Variants in CYSTM1 observed in about 807,000 individuals in gnomAD.
The protein encoded by CYSTM1 is cysteine rich transmembrane module containing 1.
CYSTM1 carries 4 observed loss-of-function variants against 13.1 expected under a neutral mutation model. The observed-to-expected ratio is 0.31, with a 90% confidence interval of 0.15 to 0.70. CYSTM1 has a LOEUF of 0.70. Among genes scored for constraint, CYSTM1 ranks in the 30% least tolerant of loss-of-function variants. The pLI is 0.72. For missense variants in CYSTM1, 96 were observed against 121.6 expected (o/e 0.79, Z 0.99); for synonymous variants, 36 against 42.7 (o/e 0.84, Z 0.62).
At chr5:140,212,983 G>GTATATATATATATATATATATATATATA (rs150669111) in intron 2 of CYSTM1, among the ~76,000 whole-genome samples, 15 of 114,288 alleles carry the variant, frequency 1.3e-4, no homozygotes, top group African/African-American at 4.3e-4. Flanking sequence ...CAAAACAAAA[G>GTATATATATATATATATATATATATATA]TATATATATA....
At chr5:140,195,066 T>C (rs1041209216) in intron 2 of CYSTM1, among the ~76,000 whole-genome samples, 7 of 152,222 alleles carry the variant, frequency 4.6e-5, no homozygotes, top group African/African-American at 1.4e-4. Context: ...GGTTTTTCTT[T>C]TTTTTCTTAC....
intron 2 of CYSTM1, among the ~76,000 whole-genome samples, chr5:140,236,433 T>C (rs1310581005): frequency 6.6e-6 from 1 of 152,188 alleles, no homozygotes; most frequent in Non-Finnish European, 1.5e-5. Context: ...GGCAGGCACC[T>C]CGGTTCTTTA....
intron 2 of CYSTM1, among the ~76,000 whole-genome samples, chr5:140,225,529 G>T (rs995116750): frequency 3.9e-5 from 6 of 152,228 alleles, no homozygotes; most frequent in Non-Finnish European, 8.8e-5. Context: ...CCCAGGCTCA[G>T]TATACAAACT....
intron 2 of CYSTM1, among the ~76,000 whole-genome samples, chr5:140,205,783 C>A (rs1332361061): frequency 6.6e-6 from 1 of 152,118 alleles, no homozygotes; most frequent in Admixed American, 6.5e-5. Context: ...GTGGGGAAGA[C>A]AAAGCTCTCT....
At chr5:140,184,857 A>C (rs1273902791) in intron 1 of CYSTM1, among the ~76,000 whole-genome samples, 1 of 152,200 alleles carries the variant, frequency 6.6e-6, no homozygotes, top group Non-Finnish European at 1.5e-5. Flanking sequence ...GTACCTACCA[A>C]GTTTAGTATT....
rs147673041 is a variant in CYSTM1 at position 140,215,702 on chromosome 5, G to A, written c.187+21050G>A. ...TATAGCCCTTTTTGAAATTCATCTT[G>A]TGTGTTAGTCTCTGTCCAGAGGATG... On this transcript the variant is annotated intron_variant, in intron 2 of 2. Transcript: ENST00000261811. Among the ~76,000 whole-genome samples, 619 of 152,024 alleles carry A rather than the reference G, an allele frequency of 4.1e-3. 2 individuals are homozygous for A. The highest frequency in any genetic ancestry group is 0.014 in the African/African-American group (595 of 41,476).
At chr5:140,233,313 G>A (rs999045252) in intron 2 of CYSTM1, among the ~76,000 whole-genome samples, 1 of 152,150 alleles carries the variant, frequency 6.6e-6, no homozygotes, top group Non-Finnish European at 1.5e-5. Context: ...TTAACTGCTG[G>A]TGTATTCTAT....
chr5:140,237,896 G>A lies in CYSTM1; in HGVS notation c.188-5409G>A, dbSNP rs565721480. Among the ~76,000 whole-genome samples the A allele has an allele frequency of 2.6e-5, 4 of 152,266 alleles. No individual in the cohort carries two copies. The East Asian group carries it at 7.7e-4, about 29-fold the overall frequency. ...CCTCCCTCCCAGGATGCCACTTCAG[G>A]ATGGTGGCAAATGCACTTCTGAAGA... On this transcript the variant is annotated intron_variant, in intron 2 of 2. Transcript: ENST00000261811.
chr5:140,188,499 TACAG>T (rs1260572512), intron 1 of CYSTM1, among the ~76,000 whole-genome samples: 1 of 152,140 alleles, frequency 6.6e-6, no homozygotes, highest in East Asian at 1.9e-4. Context: ...TTTTCAGAAA[TACAG>T]ACGAGTGGCT....
In CYSTM1 at chr5:140,242,034, G is replaced by A. The variant is rs574037733; in HGVS notation, c.188-1271G>A. 3.3e-5 allele frequency among the ~76,000 whole-genome samples: 5 copies of A among 152,318 alleles called. No homozygotes were observed. In the East Asian group the frequency reaches 9.6e-4, roughly 29 times the overall value. ...TGCCTGTGAAGTGGGAATGATGGTAGTATCTACCTCAGGGTTGCTGTGAAG... is the reference window on the plus strand; with the variant it reads ...TGCCTGTGAAGTGGGAATGATGGTAATATCTACCTCAGGGTTGCTGTGAAG... On this transcript the variant is annotated intron_variant, in intron 2 of 2. Coordinates refer to ENST00000261811, the MANE Select transcript of CYSTM1 (RefSeq NM_032412.4).
In CYSTM1 at chr5:140,230,100, G is replaced by C. The variant is rs970148439; in HGVS notation, c.188-13205G>C. Among the ~76,000 whole-genome samples the C allele has an allele frequency of 1.3e-5, 2 of 152,122 alleles. No individual in the cohort carries two copies. The highest frequency in any genetic ancestry group is 2.9e-5 in the Non-Finnish European group (2 of 68,018). ...TTGGTCAGTATGGTCTCGAACTCCT[G>C]ACCTCAGGTGATCCATCCATCTCAG... On this transcript the variant is annotated intron_variant, in intron 2 of 2. Coordinates refer to ENST00000261811, the MANE Select transcript of CYSTM1 (RefSeq NM_032412.4). The surrounding 1 kb of genome is among the most constrained non-coding windows in gnomAD (Gnocchi z 4.1).
intron 2 of CYSTM1, among the ~76,000 whole-genome samples, chr5:140,224,004 G>C (rs1764520462): frequency 1.3e-5 from 2 of 152,180 alleles, no homozygotes; most frequent in South Asian, 4.1e-4. Context: ...ATTTAATAGG[G>C]ACTTAAGAAC....
intron 1 of CYSTM1, among the ~76,000 whole-genome samples, chr5:140,187,719 T>C (rs572142081): frequency 2.0e-5 from 3 of 152,290 alleles, no homozygotes; most frequent in Non-Finnish European, 4.4e-5. Context: ...GAAAGATAAA[T>C]TGAAGGACAT....
At chr5:140,222,746 G>A (rs1315355833) in intron 2 of CYSTM1, among the ~76,000 whole-genome samples, 1 of 152,204 alleles carries the variant, frequency 6.6e-6, no homozygotes, top group Admixed American at 6.5e-5. Context: ...CCCTCCCTGT[G>A]TCTCAGGCCC....
chr5:140,209,153 G>A (rs1428686930), intron 2 of CYSTM1, among the ~76,000 whole-genome samples: 1 of 152,090 alleles, frequency 6.6e-6, no homozygotes, highest in Non-Finnish European at 1.5e-5. Context: ...TCAAGATGAA[G>A]AAGAGTTTAA....
At chr5:140,193,360 T>C (rs1003380192) in intron 1 of CYSTM1, among the ~76,000 whole-genome samples, 2 of 152,192 alleles carry the variant, frequency 1.3e-5, no homozygotes, top group African/African-American at 4.8e-5. Flanking sequence ...CTCAGCTCAT[T>C]GCAACCTCTA....
chr5:140,237,170 T>C (rs938410024), intron 2 of CYSTM1, among the ~76,000 whole-genome samples: 2 of 152,154 alleles, frequency 1.3e-5, no homozygotes, highest in Non-Finnish European at 2.9e-5. Flanking sequence ...CATATCTCAA[T>C]TGACTGTTGG....
chr5:140,229,259 A>C (rs1764594095), intron 2 of CYSTM1, among the ~76,000 whole-genome samples: 2 of 151,976 alleles, frequency 1.3e-5, no homozygotes, highest in South Asian at 4.2e-4. Context: ...CAGTGGCGTG[A>C]TCTCATCTCA....
At chr5:140,228,782 GGC>G (rs1764589091) in intron 2 of CYSTM1, 3 of 399,748 alleles carry the variant, frequency 7.5e-6, no homozygotes, top group Non-Finnish European at 1.3e-5. Flanking sequence ...AGGCAGTCCT[GGC>G]TGCTTGCTGG....
Sources: allele counts gnomAD v4.1 joint callset (sites outside exome capture counted in the v4.1 genomes callset), GRCh38; gene constraint gnomAD v4.1.1; non-coding constraint Gnocchi (gnomAD v3.1); transcripts MANE v1.5; gene names NCBI Gene and HGNC (gene_info 2026-07-23, HGNC 2026-07-21).